ATRNL1: variants seen among roughly 807,000 people sequenced by gnomAD.
ATRNL1 encodes attractin-like protein 1.
A neutral mutation model predicts 182.7 loss-of-function variants in ATRNL1; 95 were observed. That is an observed-to-expected ratio of 0.52 (90% confidence interval 0.44 to 0.62). ATRNL1 has a LOEUF of 0.62. Ranked by LOEUF, ATRNL1 falls within the 20% of genes least tolerant of loss-of-function variation. The pLI, the probability that ATRNL1 is intolerant of heterozygous loss-of-function variation, is 0.00. For missense variants in ATRNL1, 1,471 were observed against 1,679.5 expected, an observed-to-expected ratio of 0.88 and a Z score of 2.17; for synonymous variants, 576 against 568.3, an observed-to-expected ratio of 1.01 and a Z score of -0.19.
intron 9 of ATRNL1, among the ~76,000 whole-genome samples, chr10:115,231,431 G>A (rs1849946831): frequency 6.6e-6 from 1 of 151,994 alleles, no homozygotes; most frequent in Non-Finnish European, 1.5e-5. Context: ...GAGAGAAGAG[G>A]AATTAAAGAA....
intron 24 of ATRNL1, among the ~76,000 whole-genome samples, chr10:115,514,078 A>G (rs1435540541): frequency 6.6e-6 from 1 of 151,936 alleles, no homozygotes; most frequent in African/African-American, 2.4e-5. Context: ...ATTATTGTAA[A>G]AGGTAGGAGA....
At chr10:115,455,302 A>T (rs1201787238) in intron 21 of ATRNL1, among the ~76,000 whole-genome samples, 1 of 152,054 alleles carries the variant, frequency 6.6e-6, no homozygotes, top group African/African-American at 2.4e-5. Flanking sequence ...AGACCAATGG[A>T]ACAGAACAGA....
intron 1 of ATRNL1, among the ~76,000 whole-genome samples, chr10:115,103,245 G>C (rs1468622186): frequency 1.3e-5 from 2 of 151,930 alleles, no homozygotes; most frequent in African/African-American, 4.8e-5. Context: ...CGCCATGTTG[G>C]CTAGGCTGGT....
chr10:115,486,540 G>A (rs1321999755), intron 24 of ATRNL1, among the ~76,000 whole-genome samples: 1 of 152,108 alleles, frequency 6.6e-6, no homozygotes, highest in Admixed American at 6.6e-5. Context: ...CCACAGAAAT[G>A]TCTTCTTTTG....
At chr10:115,803,157 T>C (rs1555084754) in intron 27 of ATRNL1, among the ~76,000 whole-genome samples, 1 of 152,174 alleles carries the variant, frequency 6.6e-6, no homozygotes, top group Non-Finnish European at 1.5e-5. Context: ...CAGCTGAAAG[T>C]ATTTTTAATG....
At chr10:115,684,311 T>C (rs1341440447) in intron 26 of ATRNL1, among the ~76,000 whole-genome samples, 4 of 151,394 alleles carry the variant, frequency 2.6e-5, no homozygotes, top group African/African-American at 9.7e-5. Context: ...TTTGAGGGTA[T>C]GTTACAACTT....
intron 16 of ATRNL1, among the ~76,000 whole-genome samples, chr10:115,300,611 TC>T (rs566870464): frequency 1.3e-5 from 2 of 152,168 alleles, no homozygotes; most frequent in South Asian, 4.1e-4. Context: ...TAGACATATT[TC>T]AGTTATCAAG....
chr10:115,900,470 GATA>G (rs1443881741), intron 28 of ATRNL1, among the ~76,000 whole-genome samples: 1 of 152,142 alleles, frequency 6.6e-6, no homozygotes, highest in Non-Finnish European at 1.5e-5. Flanking sequence ...CAAAACAGGA[GATA>G]ATATTTTTAA....
chr10:115,804,585 A>C (rs1004547511), intron 27 of ATRNL1, among the ~76,000 whole-genome samples: 3 of 152,148 alleles, frequency 2.0e-5, no homozygotes, highest in Admixed American at 6.5e-5. Context: ...TCAGCCTCTA[A>C]AACTGTGAAA....
intron 5 of ATRNL1, among the ~76,000 whole-genome samples, chr10:115,155,713 T>C (rs997158491): frequency 2.0e-5 from 3 of 152,188 alleles, no homozygotes; most frequent in African/African-American, 7.2e-5. Context: ...TATTTTATTA[T>C]GATGGGAAGT....
intron 28 of ATRNL1, among the ~76,000 whole-genome samples, chr10:115,864,826 C>CA (rs1383022309): frequency 6.6e-6 from 1 of 151,812 alleles, no homozygotes; most frequent in Non-Finnish European, 1.5e-5. Flanking sequence ...ATGAAAAATA[C>CA]AAAAAATTAG....
intron 8 of ATRNL1, among the ~76,000 whole-genome samples, chr10:115,192,672 C>T (rs1848213289): frequency 6.6e-6 from 1 of 151,312 alleles, no homozygotes; most frequent in African/African-American, 2.4e-5. Context: ...TCTATAGAAC[C>T]TTTGGGTAGT....
chr10:115,596,235 A>C (rs2133930399), intron 26 of ATRNL1, among the ~76,000 whole-genome samples: 1 of 152,152 alleles, frequency 6.6e-6, no homozygotes, highest in African/African-American at 2.4e-5. Context: ...CCTCCTGAGT[A>C]GCTGGGATTA....
At chr10:115,922,822 A>G (rs1244607120) in intron 28 of ATRNL1, among the ~76,000 whole-genome samples, 2 of 152,128 alleles carry the variant, frequency 1.3e-5, no homozygotes, top group African/African-American at 4.8e-5. Context: ...GGAAAGAGCA[A>G]TATGTTAAGA....
chr10:115,781,161 T>C (rs1207703012), intron 27 of ATRNL1, among the ~76,000 whole-genome samples: 4 of 152,166 alleles, frequency 2.6e-5, no homozygotes, highest in African/African-American at 9.7e-5. Flanking sequence ...GCAATGCCAT[T>C]ACATATCCAC....
intron 28 of ATRNL1, among the ~76,000 whole-genome samples, chr10:115,858,930 T>G (rs1259481650): frequency 2.0e-5 from 3 of 151,964 alleles, no homozygotes; most frequent in African/African-American, 7.3e-5. Context: ...ACAACAAACA[T>G]TTGTTTCTCA....
At chr10:115,570,061 A>G (rs1308017702) in intron 26 of ATRNL1, among the ~76,000 whole-genome samples, 1 of 152,200 alleles carries the variant, frequency 6.6e-6, no homozygotes, top group East Asian at 1.9e-4. Flanking sequence ...TCCCATGTTC[A>G]AGCAATTCTT....
intron 10 of ATRNL1, among the ~76,000 whole-genome samples, chr10:115,257,009 T>C (rs1851172677): frequency 6.6e-6 from 1 of 152,220 alleles, no homozygotes; most frequent in South Asian, 2.1e-4. Flanking sequence ...TTTTTTGTGA[T>C]TTCTGTTCTT....
intron 26 of ATRNL1, among the ~76,000 whole-genome samples, chr10:115,636,446 G>A (rs539384217): frequency 6.6e-5 from 10 of 152,214 alleles, no homozygotes; most frequent in East Asian, 3.9e-4. Context: ...ACATAAGATC[G>A]CAAAGGCTAT....
Sources: allele counts gnomAD v4.1 joint callset (sites outside exome capture counted in the v4.1 genomes callset), GRCh38; gene constraint gnomAD v4.1.1; transcripts MANE v1.5; gene names NCBI Gene and HGNC (gene_info 2026-07-23, HGNC 2026-07-21).